SPOPL: variants seen among roughly 807,000 people sequenced by gnomAD.
SPOPL encodes the protein speckle-type POZ protein-like.
Under a neutral mutation model 53.8 loss-of-function variants are expected in SPOPL, and 23 were observed. The observed-to-expected ratio is 0.43, with a 90% CI of 0.31 to 0.61. The LOEUF (loss-of-function observed/expected upper bound fraction) is 0.61. Ranked by LOEUF, SPOPL falls within the 20% of genes least tolerant of loss-of-function variation. SPOPL has a pLI of 0.12. For synonymous variants in SPOPL, 164 were observed against 149.7 expected (o/e 1.10, Z -0.70); for missense variants, 442 against 466.9 (o/e 0.95, Z 0.49).
rs578242366 is a variant in SPOPL, at chr2:138,551,705, T to C, written c.352+651T>C. Among the ~76,000 whole-genome samples the C allele has an allele frequency of 8.6e-4, 131 of 152,198 alleles. 2 individuals are homozygous for C. Among genetic ancestry groups the C allele is most frequent in the African/African-American group, 3.1e-3 (129 of 41,568 alleles). ...GAAAATTCACATTCACATACATTTT[T>C]AAATAATGTATTGCTAAAATAATAT... On this transcript the variant is annotated intron_variant, in intron 4 of 10. Transcript: ENST00000280098.
At chr2:138,508,246 A>G (rs1684256619) in intron 1 of SPOPL, among the ~76,000 whole-genome samples, 1 of 152,252 alleles carries the variant, frequency 6.6e-6, no homozygotes, top group East Asian at 1.9e-4. Context: ...GTAGTTGGCA[A>G]AACCTTAATT....
intron 1 of SPOPL, among the ~76,000 whole-genome samples, chr2:138,524,958 C>A (rs564639921): frequency 1.3e-3 from 204 of 151,984 alleles, no homozygotes; most frequent in African/African-American, 4.9e-3. Context: ...CCCTCCAGAC[C>A]GTTCCAGTCT....
intron 1 of SPOPL, among the ~76,000 whole-genome samples, chr2:138,519,813 T>G (rs558450868): frequency 9.2e-5 from 14 of 152,198 alleles, no homozygotes; most frequent in African/African-American, 3.4e-4. Context: ...AAAAATAAAT[T>G]TTTAAAAAAG....
At position 138,517,279 on chromosome 2, in the gene SPOPL, G is replaced by A. The variant is rs565882329; in HGVS notation, c.-61+15160G>A. 3.9e-5 allele frequency among the ~76,000 whole-genome samples: 6 copies of A among 152,236 alleles called. No homozygotes were observed. The East Asian group carries it at 9.7e-4, about 24-fold the overall frequency. Reference sequence around the variant, plus strand: ...TTTTAGAGGTTGGCAGGAGTATTGTGGAATCGATGCATATCTTTTAGAACT... The same window carrying A: ...TTTTAGAGGTTGGCAGGAGTATTGTAGAATCGATGCATATCTTTTAGAACT... On this transcript the variant is annotated intron_variant, in intron 1 of 10. Coordinates refer to ENST00000280098, the MANE Select transcript of SPOPL (RefSeq NM_001001664.3).
intron 1 of SPOPL, among the ~76,000 whole-genome samples, chr2:138,549,102 G>C (rs912566328): frequency 1.3e-5 from 2 of 151,792 alleles, no homozygotes; most frequent in Admixed American, 6.6e-5. Context: ...TTATTTTCCT[G>C]GTTCTGTGCA....
At chr2:138,534,767 C>G (rs1684891802) in intron 1 of SPOPL, among the ~76,000 whole-genome samples, 1 of 152,130 alleles carries the variant, frequency 6.6e-6, no homozygotes, top group African/African-American at 2.4e-5. Context: ...CTTACCATTT[C>G]CCCCTCCCCA....
Position 138,560,791 on chromosome 2 carries a change from T to A in SPOPL, c.715-14T>A, listed in dbSNP as rs780780491. On this transcript the variant is annotated splice_polypyrimidine_tract_variant and intron_variant, in intron 7 of 10. Transcript: ENST00000280098. ...TTTTTTTTTTAACATTTTTGTGTTG[T>A]TTTTCGATATCAGAATCGAGTGGAA... 23 of 1,570,970 alleles carry A rather than the reference T, an allele frequency of 1.5e-5. No homozygotes were observed. The highest frequency in any genetic ancestry group is 2.0e-5 in the Non-Finnish European group (23 of 1,167,310).
chr2:138,562,486 G>GTA (rs1685570357), intron 8 of SPOPL, among the ~76,000 whole-genome samples: 2 of 152,076 alleles, frequency 1.3e-5, no homozygotes, highest in Non-Finnish European at 2.9e-5. Flanking sequence ...CTCAAACCAT[G>GTA]TATACAAAGT....
At chr2:138,556,032 C>T (rs978375126) in intron 5 of SPOPL, among the ~76,000 whole-genome samples, 1 of 152,008 alleles carries the variant, frequency 6.6e-6, no homozygotes, top group Non-Finnish European at 1.5e-5. Context: ...TTAACATTTT[C>T]TTAAATATAG....
At position 138,564,246 on chromosome 2, in the gene SPOPL, A is replaced by G. The variant is rs184520417; in HGVS notation, c.838-462A>G. On this transcript the variant is annotated intron_variant, in intron 8 of 10. Transcript: ENST00000280098. The stretch of plus-strand genomic sequence containing the variant: ...GTGTACTTTATTGTGTGTCAGTTAT[A>G]CCTTAGTAAAGCTGCTCAACATGTT... 93 of 156,238 alleles carry G rather than the reference A, an allele frequency of 6.0e-4. 3 individuals are homozygous for G. The East Asian group carries it at 0.015, about 25-fold the overall frequency. The allele number at this position is 156,238 out of a possible 1,614,324, so 9.7% of individuals were successfully genotyped here.
intron 5 of SPOPL, among the ~76,000 whole-genome samples, chr2:138,554,792 G>C (rs957874119): frequency 6.6e-6 from 1 of 152,086 alleles, no homozygotes; most frequent in African/African-American, 2.4e-5. Flanking sequence ...TGATATACAG[G>C]AAAAATGTAT....
chr2:138,529,367 T>C (rs2104871689), intron 1 of SPOPL, among the ~76,000 whole-genome samples: 1 of 152,292 alleles, frequency 6.6e-6, no homozygotes, highest in African/African-American at 2.4e-5. Flanking sequence ...AAAGCCATAA[T>C]GAATATGATG....
intron 7 of SPOPL, 148 bp downstream of exon 7, chr2:138,559,485 A>G (rs1013698969): frequency 6.8e-6 from 5 of 731,232 alleles, no homozygotes; most frequent in East Asian, 2.7e-5. Context: ...GTGTTCTATA[A>G]TAGAACAATA....
At chr2:138,550,853 TG>T in intron 3 of SPOPL, 49 bp from the exon 4 acceptor site, 1 of 925,856 alleles carries the variant, frequency 1.1e-6, no homozygotes, top group Non-Finnish European at 1.6e-6. Flanking sequence ...CTCTCTCGAA[TG>T]CTTTTCAAGT....
At chr2:138,533,537 G>T (rs1684859433) in intron 1 of SPOPL, among the ~76,000 whole-genome samples, 1 of 151,984 alleles carries the variant, frequency 6.6e-6, no homozygotes, top group South Asian at 2.1e-4. Flanking sequence ...AATGTTCATT[G>T]TATTTCCCTA....
chr2:138,504,925 A>G (rs937446591), intron 1 of SPOPL, among the ~76,000 whole-genome samples: 2 of 152,226 alleles, frequency 1.3e-5, no homozygotes, highest in African/African-American at 4.8e-5. Context: ...TAATTCTTTA[A>G]TAAGACTTTT....
intron 1 of SPOPL, among the ~76,000 whole-genome samples, chr2:138,523,748 G>A (rs1371190654): frequency 6.6e-6 from 1 of 152,174 alleles, no homozygotes; most frequent in Non-Finnish European, 1.5e-5. Flanking sequence ...GATCTCCTTT[G>A]ACTCCATGTC....
At position 138,569,841 on chromosome 2, in the gene SPOPL, G is replaced by A. The variant is rs1256709478; in HGVS notation, c.*761G>A. On this transcript the variant is annotated 3_prime_UTR_variant, in exon 11 of 11. Coordinates refer to ENST00000280098, the MANE Select transcript of SPOPL (RefSeq NM_001001664.3). Reference sequence around the variant, plus strand: ...AATTTATACTGACCTACATTTATACGAAGAATTCTGTACATGTTAAAAGTA... The same window carrying A: ...AATTTATACTGACCTACATTTATACAAAGAATTCTGTACATGTTAAAAGTA... The A allele has an allele frequency of 2.6e-5, 4 of 152,584 alleles. No homozygotes were observed. The highest frequency in any genetic ancestry group is 9.6e-5 in the African/African-American group (4 of 41,524). 9.5% of individuals were successfully genotyped at this position (152,584 alleles called of 1,614,324 possible). A position where few individuals can be genotyped will look rare whatever the true frequency, so the allele number is the denominator to read the frequency against.
chr2:138,536,570 C>A (rs557109323), intron 1 of SPOPL, among the ~76,000 whole-genome samples: 1 of 152,280 alleles, frequency 6.6e-6, no homozygotes, highest in African/African-American at 2.4e-5. Flanking sequence ...CTTTGGTTTC[C>A]TTTGAAGAAA....
Sources: allele counts gnomAD v4.1 joint callset (sites outside exome capture counted in the v4.1 genomes callset), GRCh38; gene constraint gnomAD v4.1.1; transcripts MANE v1.5; gene names NCBI Gene and HGNC (gene_info 2026-07-23, HGNC 2026-07-21).